Variants in PRC1 observed in about 807,000 individuals in gnomAD.
The protein encoded by PRC1 is anaphase spindle elongation 1 homolog.
Under a neutral mutation model 91.2 loss-of-function variants are expected in PRC1, and 54 were observed. The ratio of observed to expected loss-of-function variants is 0.59; its 90% CI spans 0.48 to 0.74. The LOEUF (loss-of-function observed/expected upper bound fraction) is 0.74, where lower values mean the gene tolerates loss of function less well. Ranked by LOEUF, PRC1 falls within the 30% of genes least tolerant of loss-of-function variation. PRC1 has a pLI of 0.00. For missense variants in PRC1, 727 were observed against 746.2 expected, an observed-to-expected ratio of 0.97 and a Z score of 0.30; for synonymous variants, 275 against 263.6, an observed-to-expected ratio of 1.04 and a Z score of -0.42.
At chr15:90,993,241 ACT>A (rs1448128941) in intron 1 of PRC1, among the ~76,000 whole-genome samples, 2 of 131,900 alleles carry the variant, frequency 1.5e-5, no homozygotes, top group Non-Finnish European at 3.1e-5. Context: ...ACGTAGTCTC[ACT>A]CTGTCGCCTA....
chr15:90,975,314 G>C (rs2038579297), intron 9 of PRC1, among the ~76,000 whole-genome samples: 1 of 152,070 alleles, frequency 6.6e-6, no homozygotes, highest in South Asian at 2.1e-4. Flanking sequence ...ATGTTGGCCA[G>C]GCTGGTCTCG....
chr15:90,974,048 T>G lies in PRC1; in HGVS notation c.1461+88A>C. ...ACCTGATGAGAAATACCCACAGGTG[T>G]GGAGGGGCTGGCCCCCTTCAAAGAG... On this transcript the variant is annotated intron_variant, in intron 11 of 14. Coordinates refer to ENST00000394249, the MANE Select transcript of PRC1 (RefSeq NM_003981.4). The surrounding 1 kb of genome is among the most constrained non-coding windows in gnomAD (Gnocchi z 4.6). The G allele has an allele frequency of 9.6e-7, 1 of 1,038,180 alleles. No individual in the cohort carries two copies. The highest frequency in any genetic ancestry group is 1.5e-6 in the Non-Finnish European group (1 of 668,112). The allele number at this position is 1,038,180 out of a possible 1,614,324, so 64.3% of individuals were successfully genotyped here.
At chr15:90,973,234 A>G (rs1023367015) in intron 11 of PRC1, 4 of 152,324 alleles carry the variant, frequency 2.6e-5, no homozygotes, top group African/African-American at 9.7e-5. Flanking sequence ...TTTAGCCCCA[A>G]CCCTGTGCTC....
rs751855673 is a variant in PRC1 at position 90,969,617 on chromosome 15, C to T, written c.1579G>A (p.Ala527Thr). ...TTCTTCCCTGAACAGGTGGAAGCAG[C>T]GACTGGCTGCAGAGAAAGGAAAGAG... is the stretch of plus-strand genomic sequence containing the variant. ...RLPPSGSKPV[A>T]ASTCSGKKTP... Residue 527 changes from alanine (A) to threonine (T), a missense_variant, in exon 13 of 15, where the codon GCT becomes ACT. By Grantham distance (58) the Ala-to-Thr change is moderately conservative. Transcript: ENST00000394249. The T allele has an allele frequency of 2.3e-5, 37 of 1,590,282 alleles. No individual in the cohort carries two copies. In the Admixed American group the frequency reaches 3.3e-4, roughly 14 times the overall value.
intron 14 of PRC1, chr15:90,968,350 T>C: frequency 1.0e-6 from 1 of 985,512 alleles, no homozygotes; most frequent in Non-Finnish European, 1.2e-6. Context: ...CTTGGCCAAC[T>C]GTTCCATTCT....
At chr15:90,992,096 C>T (rs996756913) in intron 1 of PRC1, among the ~76,000 whole-genome samples, 4 of 152,196 alleles carry the variant, frequency 2.6e-5, no homozygotes, top group African/African-American at 7.2e-5. Flanking sequence ...TCTTTTCCCC[C>T]ATGCTGCATG....
rs755252614 is a variant in PRC1, at chr15:90,966,752, C to T, written c.*379G>A. On this transcript the variant is annotated 3_prime_UTR_variant, in exon 15 of 15. Coordinates refer to ENST00000394249, the MANE Select transcript of PRC1 (RefSeq NM_003981.4). ...CAAAAAAGATGTTAATTACTAGTTA[C>T]AGGTATACATGCCAAAATTACCCCC... The T allele has an allele frequency of 9.1e-6, 4 of 438,582 alleles. No individual in the cohort carries two copies. Among genetic ancestry groups the T allele is most frequent in the East Asian group, 6.6e-5 (1 of 15,094 alleles). The allele number at this position is 438,582 out of a possible 1,614,324, so 27.2% of individuals were successfully genotyped here.
rs1236437436 is a variant in PRC1, at chr15:90,994,448, G to A, written c.-31C>T. On this transcript the variant is annotated 5_prime_UTR_variant, in exon 1 of 15. Coordinates refer to ENST00000394249, the MANE Select transcript of PRC1 (RefSeq NM_003981.4). ...ACGCTCCAAGCAGCCGTGAGTCCAG[G>A]TCCAGACCTACTCCACACGGCCCCG... The A allele has an allele frequency of 6.2e-7, 1 of 1,607,702 alleles. No homozygotes were observed. The highest frequency in any genetic ancestry group is 1.1e-5 in the South Asian group (1 of 90,344).
In PRC1 at chr15:90,984,808, T is replaced by A. The variant is rs778336545; in HGVS notation, c.29A>T (p.Glu10Val). Reference sequence around the variant, plus strand: ...GGCTTTCTGCAGACATACTATGGACTCCTCCGCCAGCACCTCACTGAAAAC... The same window carrying A: ...GGCTTTCTGCAGACATACTATGGACACCTCCGCCAGCACCTCACTGAAAAC... MRRSEVLAE[E>V]SIVCLQKALN... is the part of the protein sequence containing the mutation. The change falls in exon 2 of 15, where the codon GAG becomes GTG. Residue 10 changes from glutamate (E) to valine (V), a missense_variant. Transcript: ENST00000394249. This position sits in a 1 kb window ranked among gnomAD's most constrained non-coding sequence, Gnocchi z 5.1. The A allele has an allele frequency of 1.9e-6, 3 of 1,614,018 alleles. No homozygotes were observed. The highest frequency in any genetic ancestry group is 2.5e-6 in the Non-Finnish European group (3 of 1,180,028).
Position 90,974,577 on chromosome 15 carries a change from A to G in PRC1, c.1350+8T>C. ...CTTTTCCCAATTTGCGTTCACGTTC[A>G]CACTTACTCTTTCCTGCTTGGCTCT... On this transcript the variant is annotated splice_region_variant and intron_variant, in intron 10 of 14. Transcript: ENST00000394249. The surrounding 1 kb of genome is among the most constrained non-coding windows in gnomAD (Gnocchi z 4.6). 6.2e-7 allele frequency: 1 copy of G among 1,614,066 alleles called. No homozygotes were observed.
chr15:90,970,578 T>C, intron 11 of PRC1, 64 bp from the exon 12 acceptor site: 1 of 1,188,768 alleles, frequency 8.4e-7, no homozygotes, highest in Non-Finnish European at 1.2e-6. Flanking sequence ...TAGCAACCTG[T>C]CTACCCTACA....
At chr15:90,971,486 A>T (rs886879512) in intron 11 of PRC1, among the ~76,000 whole-genome samples, 1 of 151,556 alleles carries the variant, frequency 6.6e-6, no homozygotes, top group African/African-American at 2.4e-5. Context: ...GGGCTTCAAC[A>T]TGTTTCCTAG....
At chr15:90,980,533 T>G (rs28584391) in intron 6 of PRC1, 144 bp from the exon 7 acceptor site, 157,137 of 978,190 alleles carry the variant, frequency 0.16, 17,755 homozygotes, top group East Asian at 0.49. Flanking sequence ...TTTTTTTTTT[T>G]TTTGAGACAG....
intron 5 of PRC1, 41 bp downstream of exon 5, chr15:90,981,458 A>G (rs1196881144): frequency 5.0e-6 from 8 of 1,607,936 alleles, no homozygotes; most frequent in East Asian, 2.2e-5. Flanking sequence ...AAACTGCTAT[A>G]TACTACGGAG....
rs977593101 is a variant in PRC1 at position 90,966,741 on chromosome 15, A to C, written c.*390T>G. On this transcript the variant is annotated 3_prime_UTR_variant, in exon 15 of 15. Transcript: ENST00000394249. ...ACATGCCTAAACAAAAAAGATGTTA[A>C]TTACTAGTTACAGGTATACATGCCA... 5 of 445,472 alleles carry C rather than the reference A, an allele frequency of 1.1e-5. No homozygotes were observed. Among genetic ancestry groups the C allele is most frequent in the African/African-American group, 1.0e-4 (5 of 50,110 alleles). The allele number at this position is 445,472 out of a possible 1,614,324, so 27.6% of individuals were successfully genotyped here. A position where few individuals can be genotyped will look rare whatever the true frequency, so the allele number is the denominator to read the frequency against.
chr15:90,993,889 C>A (rs2040130287), intron 1 of PRC1, among the ~76,000 whole-genome samples: 1 of 151,788 alleles, frequency 6.6e-6, no homozygotes, highest in Admixed American at 6.6e-5. Context: ...TCGAGACCAG[C>A]CTGGCCAACA....
chr15:90,967,182 G>A lies in PRC1; in HGVS notation c.1812C>T (p.Ser604=), dbSNP rs769196644. The change falls in exon 15 of 15, where the codon TCC becomes TCT. Residue 604 remains serine (S), a synonymous_variant. Transcript: ENST00000394249. ...GGATTCCAGAAGTAGCATCAGATTT[G>A]GAAGCCTTTGAAAGTTCTCGCTGTT... ...VGLQRELSKA[S]KSDATSGILN... is the part of the protein sequence containing the mutation. 3.7e-6 allele frequency: 6 copies of A among 1,613,900 alleles called. No homozygotes were observed. The highest frequency in any genetic ancestry group is 1.3e-5 in the African/African-American group (1 of 74,916).
chr15:90,978,718 A>T lies in PRC1; in HGVS notation c.1107+440T>A, dbSNP rs1177021869. Among the ~76,000 whole-genome samples the T allele has an allele frequency of 6.0e-5, 8 of 134,156 alleles. No homozygotes were observed. The Admixed American group carries it at 7.4e-4, about 12-fold the overall frequency. 88.0% of individuals were successfully genotyped at this position (134,156 alleles called of 152,430 possible). A position where few individuals can be genotyped will look rare whatever the true frequency, so the allele number is the denominator to read the frequency against. On this transcript the variant is annotated intron_variant, in intron 8 of 14. Transcript: ENST00000394249. ...TGGTGAGCCAAGATCGCACCATTGC[A>T]CTCCAGCCTGGGCAACAAGAGCGAA...
At chr15:90,977,899 A>G (rs1397899760) in intron 8 of PRC1, among the ~76,000 whole-genome samples, 1 of 152,040 alleles carries the variant, frequency 6.6e-6, no homozygotes, top group Admixed American at 6.6e-5. Context: ...CTCCTTATTT[A>G]TGTTTACTCT....
Sources: gnomAD v4.1 joint callset for allele counts (sites outside exome capture counted in the v4.1 genomes callset) on GRCh38, gnomAD v4.1.1 for gene constraint, Gnocchi (gnomAD v3.1) non-coding constraint, MANE v1.5 for transcripts, NCBI Gene and HGNC (gene_info 2026-07-23, HGNC 2026-07-21) for gene names.